Variants in SCUBE1 observed in about 807,000 individuals in gnomAD.
SCUBE1 encodes the protein signal peptide, CUB domain and EGF like domain containing 1, also known as signal peptide, CUB and EGF-like domain-containing protein 1.
SCUBE1 carries 59 observed loss-of-function variants against 124.4 expected under a neutral mutation model. The observed-to-expected ratio is 0.47, with a 90% CI of 0.38 to 0.59. The LOEUF (loss-of-function observed/expected upper bound fraction) is 0.59, where lower values mean the gene tolerates loss of function less well. Ranked by LOEUF, SCUBE1 falls within the 20% of genes least tolerant of loss-of-function variation. SCUBE1 has a pLI of 0.00. For synonymous variants in SCUBE1, 545 were observed against 550.9 expected (o/e 0.99, Z 0.15); for missense variants, 1,150 against 1,371.2 (o/e 0.84, Z 2.55).
chr22:43,337,823 C>T (rs559219514), intron 2 of SCUBE1, among the ~76,000 whole-genome samples: 2 of 152,344 alleles, frequency 1.3e-5, no homozygotes, highest in East Asian at 1.9e-4. Context: ...AGGGACCCAT[C>T]CTGTGCTCCC....
At position 43,210,800 on chromosome 22, in the gene SCUBE1, C is replaced by G; in HGVS notation, c.2383+122G>C. On this transcript the variant is annotated intron_variant, in intron 18 of 21. Transcript: ENST00000360835. This position sits in a 1 kb window ranked among gnomAD's most constrained non-coding sequence, Gnocchi z 4.5. ...GCAATGCACCCGAGAGCAGACGGGA[C>G]GGAGCGGGAGGAGTCCAGTGTCCTC... 8.4e-7 allele frequency: 1 copy of G among 1,189,518 alleles called. No individual in the cohort carries two copies. Among genetic ancestry groups the G allele is most frequent in the Non-Finnish European group, 1.2e-6 (1 of 828,014 alleles). The allele number at this position is 1,189,518 out of a possible 1,614,324, so 73.7% of individuals were successfully genotyped here. A position where few individuals can be genotyped will look rare whatever the true frequency, so the allele number is the denominator to read the frequency against.
In SCUBE1 at chr22:43,214,265, G is replaced by A. The variant is rs1921711122; in HGVS notation, c.1892-14C>T. 2 of 1,608,052 alleles carry A rather than the reference G, an allele frequency of 1.2e-6. No individual in the cohort carries two copies. The highest frequency in any genetic ancestry group is 1.7e-6 in the Non-Finnish European group (2 of 1,177,080). Reference sequence around the variant, plus strand: ...GCCCACAGGCAACTGCAGAGGCAAAGCGGAGAGGCTGCTGGAGGCAGAGGT... The same window carrying A: ...GCCCACAGGCAACTGCAGAGGCAAAACGGAGAGGCTGCTGGAGGCAGAGGT... On this transcript the variant is annotated splice_polypyrimidine_tract_variant and intron_variant, in intron 15 of 21. Coordinates refer to ENST00000360835, the MANE Select transcript of SCUBE1 (RefSeq NM_173050.5).
intron 2 of SCUBE1, among the ~76,000 whole-genome samples, chr22:43,327,770 G>C (rs1377361809): frequency 6.6e-6 from 1 of 152,182 alleles, no homozygotes; most frequent in Non-Finnish European, 1.5e-5. Context: ...CTGGGCGACA[G>C]AGCAAGACTC....
intron 21 of SCUBE1, among the ~76,000 whole-genome samples, chr22:43,204,895 G>C (rs1396602830): frequency 2.0e-5 from 3 of 150,626 alleles, no homozygotes; most frequent in Non-Finnish European, 4.4e-5. Context: ...AGTGAGCCGA[G>C]AGTGTGCCAC....
chr22:43,269,406 T>C (rs2146720236), intron 4 of SCUBE1, among the ~76,000 whole-genome samples: 1 of 152,276 alleles, frequency 6.6e-6, no homozygotes, highest in South Asian at 2.1e-4. Flanking sequence ...CGGATGCATC[T>C]CAAGCAGGGC....
intron 4 of SCUBE1, among the ~76,000 whole-genome samples, chr22:43,271,885 C>G (rs1316693629): frequency 6.6e-6 from 1 of 152,172 alleles, no homozygotes; most frequent in Non-Finnish European, 1.5e-5. Context: ...ATCTCAATGA[C>G]CAAGTGCCAG....
chr22:43,223,589 C>T lies in SCUBE1; in HGVS notation c.1208-373G>A, dbSNP rs112908282. Reference sequence around the variant, plus strand: ...TCCTGGGAGGGGCCGTGGGGGGGATCGCTCGGAAGCACCTCTTTGGGGCAG... The same window carrying T: ...TCCTGGGAGGGGCCGTGGGGGGGATTGCTCGGAAGCACCTCTTTGGGGCAG... On this transcript the variant is annotated intron_variant, in intron 10 of 21. Transcript: ENST00000360835. 3.3e-4 allele frequency among the ~76,000 whole-genome samples: 50 copies of T among 152,276 alleles called. 1 individual carries two copies. Among genetic ancestry groups the T allele is most frequent in the African/African-American group, 8.7e-4 (36 of 41,550 alleles).
chr22:43,284,752 A>ATCGTCG (rs1555886369), intron 4 of SCUBE1, among the ~76,000 whole-genome samples: 6 of 116,422 alleles, frequency 5.2e-5, no homozygotes, highest in Non-Finnish European at 1.0e-4. Context: ...TCTTGCAATC[A>ATCGTCG]TCATCGTCAT....
At chr22:43,225,904 G>A (rs1053538143) in intron 10 of SCUBE1, among the ~76,000 whole-genome samples, 3 of 152,008 alleles carry the variant, frequency 2.0e-5, no homozygotes, top group African/African-American at 7.2e-5. Context: ...CCCTCATGCT[G>A]CCTCCGCCAC....
At chr22:43,280,809 C>CCT (rs1314592347) in intron 4 of SCUBE1, among the ~76,000 whole-genome samples, 4 of 132,886 alleles carry the variant, frequency 3.0e-5, no homozygotes, top group South Asian at 2.7e-4. Context: ...CCTGTCACCT[C>CCT]CCTCAGCCAT....
At chr22:43,206,044 C>CTACA in intron 21 of SCUBE1, among the ~76,000 whole-genome samples, 1 of 144,960 alleles carries the variant, frequency 6.9e-6, no homozygotes, top group Non-Finnish European at 1.5e-5. Flanking sequence ...CACACACTCA[C>CTACA]CCCCACACAC....
rs1920974374 is a variant in SCUBE1 at position 43,199,696 on chromosome 22, CGTGACCTGTGTGGGG to C, written c.*4286_*4300del. 6.5e-6 allele frequency: 1 copy of C among 152,914 alleles called. No individual in the cohort carries two copies. The highest frequency in any genetic ancestry group is 6.6e-5 in the Admixed American group (1 of 15,266). 9.5% of individuals were successfully genotyped at this position (152,914 alleles called of 1,614,324 possible). A position where few individuals can be genotyped will look rare whatever the true frequency, so the allele number is the denominator to read the frequency against. ...CGGAAACTGGTCATCGCCTTGCCAG[CGTGACCTGTGTGGGG>C]CAGGGGCACTGAGGCTGGGGAGCGT... On this transcript the variant is annotated 3_prime_UTR_variant, in exon 22 of 22. Transcript: ENST00000360835.
At chr22:43,238,813 C>A (rs766548705) in intron 7 of SCUBE1, 25 bp downstream of exon 7, 2 of 1,581,220 alleles carry the variant, frequency 1.3e-6, no homozygotes, top group South Asian at 2.2e-5. Flanking sequence ...CAGGCAGGGG[C>A]ACCCACACAG....
chr22:43,277,256 C>T (rs1430246218), intron 4 of SCUBE1, among the ~76,000 whole-genome samples: 2 of 152,066 alleles, frequency 1.3e-5, no homozygotes, highest in Non-Finnish European at 2.9e-5. Flanking sequence ...TCATGACATG[C>T]CAAGCAAGGA....
intron 3 of SCUBE1, among the ~76,000 whole-genome samples, chr22:43,309,035 G>A (rs535918449): frequency 6.6e-6 from 1 of 152,134 alleles, no homozygotes; most frequent in East Asian, 1.9e-4. Context: ...GTGGGGAGCG[G>A]ACCGTGGGCA....
chr22:43,247,546 A>G (rs1236928598), intron 6 of SCUBE1, among the ~76,000 whole-genome samples: 2 of 152,184 alleles, frequency 1.3e-5, no homozygotes, highest in African/African-American at 4.8e-5. Context: ...AGACCAGGAA[A>G]TCTCGCCTCA....
At chr22:43,288,169 G>C (rs959515721) in intron 4 of SCUBE1, among the ~76,000 whole-genome samples, 1 of 152,228 alleles carries the variant, frequency 6.6e-6, no homozygotes, top group Non-Finnish European at 1.5e-5. Flanking sequence ...GGTTAATGCA[G>C]ATTGGGACTG....
At chr22:43,217,262 C>T (rs1425535377) in intron 15 of SCUBE1, among the ~76,000 whole-genome samples, 4 of 151,804 alleles carry the variant, frequency 2.6e-5, no homozygotes, top group Admixed American at 2.6e-4. Context: ...GCCCATCCAA[C>T]ATCTCCATGT....
intron 1 of SCUBE1, among the ~76,000 whole-genome samples, chr22:43,339,807 CA>C (rs1927236969): frequency 3.4e-5 from 1 of 28,994 alleles, no homozygotes; most frequent in African/African-American, 1.4e-4. Flanking sequence ...AACCCTCCCC[CA>C]CTCTCCTCAT....
Sources: gnomAD v4.1 joint callset for allele counts (sites outside exome capture counted in the v4.1 genomes callset) on GRCh38, gnomAD v4.1.1 for gene constraint, Gnocchi (gnomAD v3.1) non-coding constraint, MANE v1.5 for transcripts, NCBI Gene and HGNC (gene_info 2026-07-23, HGNC 2026-07-21) for gene names.